MTUS2: variants seen among roughly 807,000 people sequenced by gnomAD.
The protein encoded by MTUS2 is microtubule associated scaffold protein 2.
In MTUS2, 40 loss-of-function variants were observed where a neutral mutation model predicts 114.1. The observed-to-expected ratio is 0.35, with a 90% CI of 0.27 to 0.46. The LOEUF is 0.46. Ranked by LOEUF, MTUS2 falls within the 20% of genes least tolerant of loss-of-function variation. The pLI is 1.00. For synonymous variants in MTUS2, 688 were observed against 672.0 expected (o/e 1.02, Z -0.37); for missense variants, 1,679 against 1,705.4 (o/e 0.98, Z 0.27).
intron 6 of MTUS2, among the ~76,000 whole-genome samples, chr13:29,323,341 C>CT (rs1165681061): frequency 1.3e-5 from 2 of 152,030 alleles, no homozygotes; most frequent in Non-Finnish European, 2.9e-5. Context: ...GCGCCACCTC[C>CT]TGGGTTCACG....
rs576033416 is a variant in MTUS2, at chr13:29,182,519, A to G, written c.2644+81549A>G. On this transcript the variant is annotated intron_variant, in intron 5 of 15. Coordinates refer to ENST00000612955, the MANE Select transcript of MTUS2 (RefSeq NM_001033602.4). Reference sequence around the variant, plus strand: ...TCTGCATCACCTTTATACCTTGTACAATACATCCCTGTTACTCATTCAACA... The same window carrying G: ...TCTGCATCACCTTTATACCTTGTACGATACATCCCTGTTACTCATTCAACA... Among the ~76,000 whole-genome samples, 57 of 152,334 alleles carry G rather than the reference A, an allele frequency of 3.7e-4. No individual in the cohort carries two copies. The Middle Eastern group carries it at 0.014, about 36-fold the overall frequency.
At position 29,103,597 on chromosome 13, in the gene MTUS2, TAC is replaced by T. The variant is rs1435312153; in HGVS notation, c.2644+2630_2644+2631del. ...AATATGAAGGTCTAGGACATCATTG[TAC>T]ACTTTTATGTGATAAACCAGGGCTA... On this transcript the variant is annotated intron_variant, in intron 5 of 15. Transcript: ENST00000612955. Among the ~76,000 whole-genome samples the T allele has an allele frequency of 3.3e-5, 5 of 152,340 alleles. No individual in the cohort carries two copies. The East Asian group carries it at 9.7e-4, about 29-fold the overall frequency.
chr13:29,355,514 C>T (rs1470205231), intron 7 of MTUS2, among the ~76,000 whole-genome samples: 2 of 152,224 alleles, frequency 1.3e-5, no homozygotes, highest in Non-Finnish European at 2.9e-5. Flanking sequence ...GGTAAGAGCC[C>T]TGGGCAAGGT....
chr13:29,465,191 A>T (rs143259218), intron 9 of MTUS2, among the ~76,000 whole-genome samples: 116 of 152,336 alleles, frequency 7.6e-4, no homozygotes, highest in Admixed American at 6.8e-3. Context: ...GCCTCAGCTA[A>T]TATTTATTGA....
chr13:28,878,547 C>A (rs60381831), intron 2 of MTUS2, among the ~76,000 whole-genome samples: 12,884 of 152,108 alleles, frequency 0.085, 1,768 homozygotes, highest in African/African-American at 0.29. Context: ...ATGTGTTCTC[C>A]TTGTTCAGCT....
At chr13:29,195,539 G>GAAAAAAAAAAAAAAA (rs59726006) in intron 5 of MTUS2, among the ~76,000 whole-genome samples, 1 of 78,522 alleles carries the variant, frequency 1.3e-5, no homozygotes, top group Non-Finnish European at 2.6e-5. Flanking sequence ...ACTTAATTCT[G>GAAAAAAAAAAAAAAA]AAAAAAAAAA....
At chr13:29,380,154 C>CG (rs1872091261) in intron 8 of MTUS2, among the ~76,000 whole-genome samples, 1 of 152,162 alleles carries the variant, frequency 6.6e-6, no homozygotes. Context: ...CTGTTCCACA[C>CG]TGCTTCTCAC....
At chr13:29,320,365 C>T (rs1274612023) in intron 6 of MTUS2, among the ~76,000 whole-genome samples, 1 of 152,242 alleles carries the variant, frequency 6.6e-6, no homozygotes, top group African/African-American at 2.4e-5. Flanking sequence ...TGATTTCAGA[C>T]TTCTGACCTC....
At chr13:29,392,070 G>A (rs1353007027) in intron 8 of MTUS2, among the ~76,000 whole-genome samples, 1 of 147,922 alleles carries the variant, frequency 6.8e-6, no homozygotes, top group Non-Finnish European at 1.5e-5. Flanking sequence ...GGAGGTTGCA[G>A]TGAGCCGAGG....
chr13:29,273,515 A>T (rs1423876654), intron 5 of MTUS2, among the ~76,000 whole-genome samples: 1 of 152,130 alleles, frequency 6.6e-6, no homozygotes, highest in Non-Finnish European at 1.5e-5. Flanking sequence ...CAGCCAGGGG[A>T]TCTAGAGAAA....
intron 3 of MTUS2, among the ~76,000 whole-genome samples, chr13:29,033,396 A>G (rs1886915641): frequency 6.6e-6 from 1 of 152,122 alleles, no homozygotes; most frequent in Non-Finnish European, 1.5e-5. Context: ...TTAACAATGC[A>G]ATTTTTTGCT....
intron 2 of MTUS2, among the ~76,000 whole-genome samples, chr13:28,929,058 A>G (rs1881477457): frequency 6.6e-6 from 1 of 152,218 alleles, no homozygotes; most frequent in South Asian, 2.1e-4. Flanking sequence ...GAAATAAGCC[A>G]AGCACAGAAA....
chr13:29,308,999 A>G (rs1899619004), intron 6 of MTUS2, among the ~76,000 whole-genome samples: 1 of 152,302 alleles, frequency 6.6e-6, no homozygotes, highest in South Asian at 2.1e-4. Context: ...TAGTTCAACC[A>G]TTGTGGAAGA....
chr13:29,220,874 T>C (rs1269023502), intron 5 of MTUS2, among the ~76,000 whole-genome samples: 1 of 152,188 alleles, frequency 6.6e-6, no homozygotes, highest in Non-Finnish European at 1.5e-5. Context: ...CAATGTGATA[T>C]CTGCAAAACA....
At chr13:28,911,791 A>G (rs1299959486) in intron 2 of MTUS2, among the ~76,000 whole-genome samples, 1 of 140,296 alleles carries the variant, frequency 7.1e-6, no homozygotes, top group Non-Finnish European at 1.6e-5. Flanking sequence ...TATTGGCCAT[A>G]TGAATGTCTT....
At chr13:29,443,072 T>G (rs1566203215) in intron 9 of MTUS2, among the ~76,000 whole-genome samples, 1 of 152,324 alleles carries the variant, frequency 6.6e-6, no homozygotes, top group East Asian at 1.9e-4. Flanking sequence ...TTGGCAGTTC[T>G]GAGCATGGGC....
At chr13:28,926,390 C>T (rs1881329329) in intron 2 of MTUS2, among the ~76,000 whole-genome samples, 1 of 150,542 alleles carries the variant, frequency 6.6e-6, no homozygotes, top group African/African-American at 2.5e-5. Flanking sequence ...TGGTGGTGGA[C>T]AGAAATTTGC....
At chr13:28,994,485 C>T (rs184781036) in intron 2 of MTUS2, among the ~76,000 whole-genome samples, 263 of 152,334 alleles carry the variant, frequency 1.7e-3, no homozygotes, top group Middle Eastern at 0.01. Flanking sequence ...ACACCGACTT[C>T]CACATGGTTG....
At chr13:28,822,570 C>G (rs568869578) in intron 1 of MTUS2, among the ~76,000 whole-genome samples, 2 of 152,282 alleles carry the variant, frequency 1.3e-5, no homozygotes, top group African/African-American at 4.8e-5. Flanking sequence ...GGCAGATCGA[C>G]TGGGGAGCTA....
Sources: allele counts gnomAD v4.1 joint callset (sites outside exome capture counted in the v4.1 genomes callset), GRCh38; gene constraint gnomAD v4.1.1; transcripts MANE v1.5; gene names NCBI Gene and HGNC (gene_info 2026-07-23, HGNC 2026-07-21).